Variants in CDH13 observed in about 807,000 individuals in gnomAD.
CDH13 encodes cadherin-13.
CDH13 carries 24 observed loss-of-function variants against 63.8 expected under a neutral mutation model. That is an observed-to-expected ratio of 0.38 (90% CI 0.27 to 0.53). The LOEUF (loss-of-function observed/expected upper bound fraction) is 0.53, where lower values mean the gene tolerates loss of function less well. CDH13 is among the 20% of genes least tolerant of loss of function. The probability of loss-of-function intolerance (pLI) is 0.85; values close to 1 mark genes in which losing one functional copy is unlikely to be tolerated. For missense variants in CDH13, 1,049 were observed against 903.1 expected, an observed-to-expected ratio of 1.16 and a Z score of -2.07; for synonymous variants, 503 against 355.3, an observed-to-expected ratio of 1.42 and a Z score of -4.67.
intron 5 of CDH13, among the ~76,000 whole-genome samples, chr16:83,279,641 G>C (rs2089101060): frequency 6.6e-6 from 1 of 152,126 alleles, no homozygotes; most frequent in Non-Finnish European, 1.5e-5. Flanking sequence ...GAGACAATCG[G>C]CTATACATCT....
intron 10 of CDH13, among the ~76,000 whole-genome samples, chr16:83,692,027 C>G (rs1904948797): frequency 6.6e-6 from 1 of 152,140 alleles, no homozygotes; most frequent in Non-Finnish European, 1.5e-5. Context: ...GAAATTCACA[C>G]TCAGATTCAC....
intron 11 of CDH13, among the ~76,000 whole-genome samples, chr16:83,752,642 C>T (rs1335908646): frequency 6.6e-6 from 1 of 152,214 alleles, no homozygotes; most frequent in East Asian, 1.9e-4. Flanking sequence ...CATTGAGTCT[C>T]ATCTATGTTT....
At chr16:83,325,953 C>T (rs2090350347) in intron 5 of CDH13, among the ~76,000 whole-genome samples, 1 of 152,070 alleles carries the variant, frequency 6.6e-6, no homozygotes, top group Non-Finnish European at 1.5e-5. Flanking sequence ...ATGTGATATG[C>T]TCAGTAAATG....
chr16:83,271,557 C>G (rs2088818602), intron 5 of CDH13, among the ~76,000 whole-genome samples: 3 of 145,836 alleles, frequency 2.1e-5, no homozygotes, highest in Non-Finnish European at 4.5e-5. Flanking sequence ...CTAGAAGTAA[C>G]TGTCCAGAAA....
intron 6 of CDH13, among the ~76,000 whole-genome samples, chr16:83,386,586 G>T (rs752442302): frequency 6.6e-6 from 1 of 152,164 alleles, no homozygotes; most frequent in Non-Finnish European, 1.5e-5. Flanking sequence ...AGGACTCTAG[G>T]AGGCAGGTAA....
intron 3 of CDH13, among the ~76,000 whole-genome samples, chr16:83,081,196 A>C (rs2033228872): frequency 6.6e-6 from 1 of 152,006 alleles, no homozygotes; most frequent in Non-Finnish European, 1.5e-5. Flanking sequence ...GAGTCTTTTA[A>C]CTTTGAAAAG....
intron 8 of CDH13, among the ~76,000 whole-genome samples, chr16:83,631,619 G>A (rs1910787814): frequency 2.0e-5 from 3 of 152,058 alleles, no homozygotes; most frequent in Non-Finnish European, 4.4e-5. Context: ...AGGAAAGAGG[G>A]ATGTCACTCC....
At chr16:83,564,503 G>T (rs1433792750) in intron 7 of CDH13, among the ~76,000 whole-genome samples, 2 of 150,412 alleles carry the variant, frequency 1.3e-5, no homozygotes, top group East Asian at 3.9e-4. Context: ...CTGCCTCCCG[G>T]GTTCAAGTGA....
intron 2 of CDH13, among the ~76,000 whole-genome samples, chr16:83,001,296 A>C (rs545845341): frequency 6.6e-6 from 1 of 152,206 alleles, no homozygotes; most frequent in Non-Finnish European, 1.5e-5. Context: ...CTAGCCTTCT[A>C]TTGGAGCTGC....
chr16:83,722,227 C>G (rs973086778), intron 10 of CDH13, among the ~76,000 whole-genome samples: 5 of 152,234 alleles, frequency 3.3e-5, no homozygotes, highest in East Asian at 1.9e-4. Flanking sequence ...CCTTGCTATT[C>G]TCATCCCTGA....
In CDH13 at chr16:83,007,976, G is replaced by A. The variant is rs189525637; in HGVS notation, c.158-24034G>A. 5.9e-5 allele frequency among the ~76,000 whole-genome samples: 9 copies of A among 152,082 alleles called. No homozygotes were observed. In the East Asian group the frequency reaches 1.4e-3, roughly 23 times the overall value. On this transcript the variant is annotated intron_variant, in intron 2 of 13. Coordinates refer to ENST00000567109, the MANE Select transcript of CDH13 (RefSeq NM_001257.5). ...CCTCAATTGTTCCTACCTACCTACC[G>A]ACTTACTTGGCTATTTTCATTCATC...
intron 1 of CDH13, among the ~76,000 whole-genome samples, chr16:82,763,116 C>T (rs529626266): frequency 3.9e-5 from 6 of 152,264 alleles, no homozygotes; most frequent in Admixed American, 1.3e-4. Context: ...GTCCTTGTAC[C>T]GCAGGGCCTT....
intron 7 of CDH13, among the ~76,000 whole-genome samples, chr16:83,597,052 G>C (rs1374232985): frequency 6.6e-6 from 1 of 152,130 alleles, no homozygotes; most frequent in African/African-American, 2.4e-5. Context: ...GGGAGACCCT[G>C]TCTCTACAAA....
At chr16:83,377,993 T>C (rs1052423125) in intron 6 of CDH13, among the ~76,000 whole-genome samples, 7 of 152,144 alleles carry the variant, frequency 4.6e-5, no homozygotes, top group African/African-American at 1.7e-4. Flanking sequence ...AAAACAAATA[T>C]ATCCCTTCTT....
chr16:83,478,400 A>G (rs2073668759), intron 6 of CDH13, among the ~76,000 whole-genome samples: 1 of 152,176 alleles, frequency 6.6e-6, no homozygotes, highest in Non-Finnish European at 1.5e-5. Context: ...CTGACCACAG[A>G]GAGTCCCACC....
chr16:83,634,998 G>A (rs1445346182), intron 8 of CDH13, among the ~76,000 whole-genome samples: 1 of 152,192 alleles, frequency 6.6e-6, no homozygotes, highest in East Asian at 1.9e-4. Context: ...GAAACTGCCT[G>A]TTTTCCAGAG....
chr16:83,182,701 C>T (rs2038384261), intron 4 of CDH13, among the ~76,000 whole-genome samples: 1 of 152,176 alleles, frequency 6.6e-6, no homozygotes. Flanking sequence ...CTTGTATTTT[C>T]TCATTTAATC....
chr16:83,311,867 G>A lies in CDH13; in HGVS notation c.637-32995G>A, dbSNP rs184456022. Reference sequence around the variant, plus strand: ...AGGCGGGTGGATCACCTGAGGTTAGGATTTCGAGACCAACCTGACCAAAAT... The same window carrying A: ...AGGCGGGTGGATCACCTGAGGTTAGAATTTCGAGACCAACCTGACCAAAAT... On this transcript the variant is annotated intron_variant, in intron 5 of 13. Transcript: ENST00000567109. 5.2e-3 allele frequency among the ~76,000 whole-genome samples: 793 copies of A among 152,180 alleles called. 11 individuals carry two copies. Among genetic ancestry groups the A allele is most frequent in the African/African-American group, 0.019 (769 of 41,522 alleles).
chr16:83,438,267 A>C (rs755464286), intron 6 of CDH13, among the ~76,000 whole-genome samples: 1 of 152,148 alleles, frequency 6.6e-6, no homozygotes, highest in Non-Finnish European at 1.5e-5. Context: ...CATCACCCCA[A>C]CTGCAGGAAT....
Sources: gnomAD v4.1 joint callset for allele counts (sites outside exome capture counted in the v4.1 genomes callset) on GRCh38, gnomAD v4.1.1 for gene constraint, MANE v1.5 for transcripts, NCBI Gene and HGNC (gene_info 2026-07-23, HGNC 2026-07-21) for gene names.